Variants in ARHGEF3 observed in about 807,000 individuals in gnomAD.
ARHGEF3 encodes the protein Rho guanine nucleotide exchange factor 3, also known as 59.8 kDA protein.
In ARHGEF3, 28 loss-of-function variants were observed where a neutral mutation model predicts 63.2. The observed-to-expected ratio is 0.44, with a 90% CI of 0.33 to 0.61. The LOEUF is 0.61. ARHGEF3 is among the 20% of genes least tolerant of loss of function. The pLI is 0.03. For synonymous variants in ARHGEF3, 266 were observed against 254.2 expected (o/e 1.05, Z -0.44); for missense variants, 533 against 659.3 (o/e 0.81, Z 2.10).
chr3:57,044,800 A>C (rs1704376284), intron 1 of ARHGEF3, among the ~76,000 whole-genome samples: 3 of 152,200 alleles, frequency 2.0e-5, no homozygotes, highest in African/African-American at 7.2e-5. Flanking sequence ...GGGATACCAC[A>C]AGCGGTCAAC....
intron 3 of ARHGEF3, among the ~76,000 whole-genome samples, chr3:56,944,568 C>CTTTGTT (rs1699369392): frequency 1.5e-5 from 1 of 65,834 alleles, no homozygotes; most frequent in Non-Finnish European, 2.7e-5. Flanking sequence ...AAAGTGGTTT[C>CTTTGTT]TTTTTTTTTT....
chr3:57,065,470 A>C (rs1047362001), intron 1 of ARHGEF3, among the ~76,000 whole-genome samples: 2 of 152,272 alleles, frequency 1.3e-5, no homozygotes, highest in East Asian at 3.9e-4. Flanking sequence ...CAAAACAAAA[A>C]AAAAAGAAAT....
chr3:56,986,653 T>C (rs1421829086), intron 2 of ARHGEF3, among the ~76,000 whole-genome samples: 1 of 151,990 alleles, frequency 6.6e-6, no homozygotes, highest in African/African-American at 2.4e-5. Context: ...GAGTCCATGA[T>C]GAAGACTGCA....
chr3:56,834,619 G>C (rs2039046338), intron 4 of ARHGEF3, among the ~76,000 whole-genome samples: 1 of 151,958 alleles, frequency 6.6e-6, no homozygotes, highest in African/African-American at 2.4e-5. Context: ...AATTAGCCAG[G>C]TGTGGTGGCA....
intron 2 of ARHGEF3, chr3:57,007,155 GAATT>G: frequency 1.6e-6 from 2 of 1,247,826 alleles, no homozygotes; most frequent in South Asian, 1.4e-5. Flanking sequence ...CATCCATAAA[GAATT>G]AATAAATAAG....
chr3:56,763,500 G>T (rs1413802297), intron 2 of ARHGEF3, among the ~76,000 whole-genome samples: 1 of 151,948 alleles, frequency 6.6e-6, no homozygotes, highest in Non-Finnish European at 1.5e-5. Context: ...TCTACAATAG[G>T]GATTAAACAA....
intron 2 of ARHGEF3, among the ~76,000 whole-genome samples, chr3:56,985,080 A>C (rs1019597898): frequency 9.0e-5 from 13 of 143,850 alleles, no homozygotes; most frequent in African/African-American, 3.1e-4. Flanking sequence ...TTCTAACAGA[A>C]ACACATGATT....
intron 2 of ARHGEF3, among the ~76,000 whole-genome samples, chr3:57,033,973 A>G (rs187947915): frequency 3.1e-4 from 47 of 152,172 alleles, no homozygotes; most frequent in Non-Finnish European, 6.0e-4. Flanking sequence ...TGAACCCAGG[A>G]GGTGGAGGTT....
intron 3 of ARHGEF3, among the ~76,000 whole-genome samples, chr3:56,886,287 T>G (rs2040923272): frequency 6.6e-6 from 1 of 152,190 alleles, no homozygotes; most frequent in African/African-American, 2.4e-5. Flanking sequence ...ACAGCCAGCT[T>G]CCCTTAAAAT....
intron 4 of ARHGEF3, among the ~76,000 whole-genome samples, chr3:56,838,000 C>T (rs2039175623): frequency 1.3e-5 from 2 of 152,136 alleles, no homozygotes; most frequent in South Asian, 4.1e-4. Flanking sequence ...AATACAGCCT[C>T]TTGGATGTGT....
intron 4 of ARHGEF3, 124 bp from the exon 5 acceptor site, chr3:56,751,520 C>A: frequency 1.3e-6 from 1 of 756,666 alleles, no homozygotes; most frequent in Non-Finnish European, 2.2e-6. Context: ...ACAACTTCTC[C>A]CATAAAGCTG....
chr3:56,732,054 T>A, intron 9 of ARHGEF3, 184 bp downstream of exon 9: 1 of 691,648 alleles, frequency 1.4e-6, no homozygotes, highest in Admixed American at 2.8e-5. Context: ...CATTTCCATT[T>A]TGGAGATGAG....
Position 56,745,326 on chromosome 3 carries a change from A to G in ARHGEF3, c.749T>C (p.Leu250Pro), listed in dbSNP as rs779842421. The change falls in exon 7 of 10, where the codon CTA becomes CCA. Residue 250 changes from leucine to proline, a missense_variant. Coordinates refer to ENST00000296315, the MANE Select transcript of ARHGEF3 (RefSeq NM_019555.3). Reference protein sequence around the residue: ...RCLESPFSRKLDLWNFLDIPR... With the variant: ...RCLESPFSRKPDLWNFLDIPR... ...AATATCGAGGAAATTCCAGAGATCTAGTTTGCGGCTAAAGGGGGATTCTAA... is the reference window on the plus strand; with the variant it reads ...AATATCGAGGAAATTCCAGAGATCTGGTTTGCGGCTAAAGGGGGATTCTAA... 1 of 1,614,074 alleles carries G rather than the reference A, an allele frequency of 6.2e-7. No individual in the cohort carries two copies. The highest frequency in any genetic ancestry group is 8.5e-7 in the Non-Finnish European group (1 of 1,180,016).
intron 2 of ARHGEF3, among the ~76,000 whole-genome samples, chr3:56,980,344 T>G (rs12497722): frequency 0.015 from 2,344 of 152,246 alleles, 33 homozygotes; most frequent in Middle Eastern, 0.031. Flanking sequence ...TGTAATACAG[T>G]GGTGAATATT....
At chr3:56,920,163 A>G (rs950951999) in intron 3 of ARHGEF3, among the ~76,000 whole-genome samples, 1 of 152,212 alleles carries the variant, frequency 6.6e-6, no homozygotes, top group African/African-American at 2.4e-5. Context: ...ATAGGTTTTC[A>G]GGGTATGGTA....
chr3:56,859,635 C>T (rs62249820), intron 4 of ARHGEF3, among the ~76,000 whole-genome samples: 3 of 150,786 alleles, frequency 2.0e-5, no homozygotes, highest in African/African-American at 4.9e-5. Context: ...CAGGCTAAAG[C>T]GATTCTCCCA....
At chr3:57,064,930 C>T (rs1275451327) in intron 1 of ARHGEF3, among the ~76,000 whole-genome samples, 1 of 152,122 alleles carries the variant, frequency 6.6e-6, no homozygotes, top group Non-Finnish European at 1.5e-5. Context: ...GTAAATTTTA[C>T]GTTATGTGTG....
At chr3:57,067,783 C>T (rs1371878535) in intron 1 of ARHGEF3, among the ~76,000 whole-genome samples, 3 of 150,014 alleles carry the variant, frequency 2.0e-5, no homozygotes, top group Non-Finnish European at 4.4e-5. Context: ...AGATCGAGAC[C>T]ATTGGCTAAC....
intron 2 of ARHGEF3, among the ~76,000 whole-genome samples, chr3:57,031,476 T>C (rs186205374): frequency 6.6e-6 from 1 of 152,206 alleles, no homozygotes; most frequent in Non-Finnish European, 1.5e-5. Flanking sequence ...TGACCCACTG[T>C]GGGAGATACT....
Sources: allele counts gnomAD v4.1 joint callset (sites outside exome capture counted in the v4.1 genomes callset), GRCh38; gene constraint gnomAD v4.1.1; transcripts MANE v1.5; gene names NCBI Gene and HGNC (gene_info 2026-07-23, HGNC 2026-07-21).